Variants in LRRC63 observed in about 807,000 individuals in gnomAD.
LRRC63 encodes the protein leucine-rich repeat-containing protein 63.
In LRRC63, 40 loss-of-function variants were observed where a neutral mutation model predicts 49.5. The observed-to-expected ratio is 0.81, with a 90% CI of 0.63 to 1.05. The LOEUF (loss-of-function observed/expected upper bound fraction) is 1.05, where lower values mean the gene tolerates loss of function less well. Ranked by LOEUF, LRRC63 falls within the 50% of genes least tolerant of loss-of-function variation. The pLI is 0.00. For synonymous variants in LRRC63, 191 were observed against 221.1 expected (o/e 0.86, Z 1.21); for missense variants, 636 against 663.1 (o/e 0.96, Z 0.45).
chr13:46,215,445 CT>C (rs781157230), intron 2 of LRRC63, among the ~76,000 whole-genome samples: 179 of 138,440 alleles, frequency 1.3e-3, no homozygotes, highest in Non-Finnish European at 1.2e-3. Context: ...CCTTCACCCA[CT>C]TTTTGATGGG....
chr13:46,221,021 C>G (rs2046393173), intron 2 of LRRC63, among the ~76,000 whole-genome samples: 1 of 152,088 alleles, frequency 6.6e-6, no homozygotes, highest in African/African-American at 2.4e-5. Flanking sequence ...TCCTACGCAC[C>G]ACTTATTATA....
At chr13:46,250,801 A>G (rs2047358808) in intron 7 of LRRC63, among the ~76,000 whole-genome samples, 1 of 151,934 alleles carries the variant, frequency 6.6e-6, no homozygotes, top group Non-Finnish European at 1.5e-5. Context: ...CTTTTTGGAT[A>G]TGGAAAGAGC....
intron 5 of LRRC63, among the ~76,000 whole-genome samples, chr13:46,244,201 A>T (rs2047147470): frequency 6.6e-6 from 1 of 152,206 alleles, no homozygotes; most frequent in Admixed American, 6.5e-5. Flanking sequence ...AAAATATTTG[A>T]CAACAGGAGT....
At chr13:46,234,334 T>C in exon 5 of LRRC63, 1 of 1,549,910 alleles carries the variant, frequency 6.5e-7, no homozygotes, top group Non-Finnish European at 8.7e-7. Context: ...ATGGGAGAAA[T>C]GCACTTAATC....
At chr13:46,226,436 G>A (rs2046578700) in intron 2 of LRRC63, among the ~76,000 whole-genome samples, 1 of 152,212 alleles carries the variant, frequency 6.6e-6, no homozygotes, top group South Asian at 2.1e-4. Context: ...TACAAGTCAA[G>A]TAGTTAAAAT....
intron 6 of LRRC63, 168 bp from the exon 7 acceptor site, chr13:46,250,187 C>T: frequency 1.9e-6 from 1 of 535,580 alleles, no homozygotes; most frequent in Non-Finnish European, 3.3e-6. Context: ...TAATGCTGGT[C>T]ACTTGTTTTG....
rs534167485 is a variant in LRRC63 at position 46,255,079 on chromosome 13, A to G, written c.1226+4588A>G. 7.9e-5 allele frequency among the ~76,000 whole-genome samples: 12 copies of G among 152,348 alleles called. No individual in the cohort carries two copies. The South Asian group carries it at 2.3e-3, about 29-fold the overall frequency. On this transcript the variant is annotated intron_variant, in intron 7 of 9. Coordinates refer to ENST00000595396, the Ensembl canonical transcript of LRRC63. ...TATATACATACATAGAACATTATTC[A>G]TCTTGAAAACAGAATGAAATGCTAG...
At chr13:46,252,377 G>A (rs1203008943) in intron 7 of LRRC63, among the ~76,000 whole-genome samples, 1 of 151,936 alleles carries the variant, frequency 6.6e-6, no homozygotes, top group Non-Finnish European at 1.5e-5. Context: ...GAGATATTCT[G>A]GCTCCATGTA....
chr13:46,217,243 C>G (rs1297158864), intron 2 of LRRC63, among the ~76,000 whole-genome samples: 1 of 152,140 alleles, frequency 6.6e-6, no homozygotes, highest in Non-Finnish European at 1.5e-5. Flanking sequence ...TGGTCCTGGG[C>G]TTTCTTTGGT....
chr13:46,269,803 A>T (rs1365373993), intron 9 of LRRC63, among the ~76,000 whole-genome samples: 2 of 148,186 alleles, frequency 1.3e-5, no homozygotes, highest in Non-Finnish European at 3.0e-5. Context: ...TATATATTAT[A>T]TATATATAGT....
chr13:46,253,492 G>GA (rs992708178), intron 7 of LRRC63, among the ~76,000 whole-genome samples: 3 of 150,934 alleles, frequency 2.0e-5, no homozygotes, highest in African/African-American at 7.3e-5. Flanking sequence ...GATGTCAGGA[G>GA]AAAAAAAAAT....
chr13:46,251,497 C>G (rs953685569), intron 7 of LRRC63, among the ~76,000 whole-genome samples: 2 of 151,850 alleles, frequency 1.3e-5, no homozygotes. Context: ...TGCCCTGACA[C>G]TATCTGCCAT....
At chr13:46,225,397 G>A (rs1265594434) in intron 2 of LRRC63, among the ~76,000 whole-genome samples, 1 of 152,256 alleles carries the variant, frequency 6.6e-6, no homozygotes, top group Non-Finnish European at 1.5e-5. Context: ...GGCTTCAGCA[G>A]CAGTAGCAGA....
rs2046613962 is a variant in LRRC63, at chr13:46,227,626, CT to C, written c.201del (p.Ile68SerfsTer16). 3.2e-6 allele frequency: 5 copies of C among 1,549,846 alleles called. No individual in the cohort carries two copies. In the African/African-American group the frequency reaches 6.9e-5, roughly 21 times the overall value. Reference sequence around the variant, plus strand: ...GTTTTAAGAAATCAATCACTAACACCTATCAATATCCAAAATATCTTTCTTG... The same window carrying C: ...GTTTTAAGAAATCAATCACTAACACCATCAATATCCAAAATATCTTTCTTG... On this transcript the variant is annotated frameshift_variant, in exon 3 of 10. Transcript: ENST00000595396. LOFTEE classifies it high-confidence loss of function.
intron 4 of LRRC63, 52 bp downstream of exon 4, chr13:46,228,785 C>A: frequency 8.0e-7 from 1 of 1,252,160 alleles, no homozygotes; most frequent in Non-Finnish European, 1.1e-6. Flanking sequence ...AAGATTATAT[C>A]TTTAAAAAAT....
intron 2 of LRRC63, among the ~76,000 whole-genome samples, chr13:46,221,316 A>G (rs1354670772): frequency 6.6e-6 from 1 of 152,254 alleles, no homozygotes; most frequent in Non-Finnish European, 1.5e-5. Context: ...GAAGTCATAC[A>G]TGAGCAATTG....
intron 5 of LRRC63, among the ~76,000 whole-genome samples, chr13:46,240,785 C>A (rs184047421): frequency 6.6e-6 from 1 of 151,988 alleles, no homozygotes; most frequent in African/African-American, 2.4e-5. Flanking sequence ...AGGATGTGAA[C>A]GATCTCTACA....
At chr13:46,236,738 G>T (rs933634917) in intron 5 of LRRC63, among the ~76,000 whole-genome samples, 1 of 152,094 alleles carries the variant, frequency 6.6e-6, no homozygotes, top group Admixed American at 6.6e-5. Flanking sequence ...AAGAAATAAA[G>T]AACTCTGATG....
At chr13:46,275,952 A>G (rs1371239460) in intron 9 of LRRC63, among the ~76,000 whole-genome samples, 4 of 152,120 alleles carry the variant, frequency 2.6e-5, no homozygotes, top group East Asian at 1.9e-4. Context: ...ACATATTCTT[A>G]TAATCTGATG....
Sources: allele counts gnomAD v4.1 joint callset (sites outside exome capture counted in the v4.1 genomes callset), GRCh38; gene constraint gnomAD v4.1.1; transcripts MANE v1.5; gene names NCBI Gene and HGNC (gene_info 2026-07-23, HGNC 2026-07-21).